Variants in GRM3 observed in about 807,000 individuals in gnomAD.
GRM3 encodes the protein metabotropic glutamate receptor 3.
Under a neutral mutation model 70.5 loss-of-function variants are expected in GRM3, and 26 were observed. The observed-to-expected ratio is 0.37, with a 90% CI of 0.27 to 0.51. The LOEUF (loss-of-function observed/expected upper bound fraction) is 0.51. GRM3 is among the 20% of genes least tolerant of loss of function. GRM3 has a pLI of 0.93. For missense variants in GRM3, 859 were observed against 1,123.8 expected, an observed-to-expected ratio of 0.76 and a Z score of 3.37; for synonymous variants, 443 against 434.9, an observed-to-expected ratio of 1.02 and a Z score of -0.23.
chr7:86,682,693 T>A (rs1468039257), intron 1 of GRM3, among the ~76,000 whole-genome samples: 2 of 152,152 alleles, frequency 1.3e-5, no homozygotes, highest in African/African-American at 2.4e-5. Context: ...TCAGCCTTAT[T>A]TTTAGTTACT....
intron 1 of GRM3, among the ~76,000 whole-genome samples, chr7:86,645,402 A>C (rs1216679190): frequency 1.3e-5 from 2 of 152,154 alleles, no homozygotes; most frequent in Non-Finnish European, 2.9e-5. Context: ...GCAGGGTTGG[A>C]AAGGAGCCTT....
intron 1 of GRM3, among the ~76,000 whole-genome samples, chr7:86,756,418 G>A (rs922337949): frequency 3.3e-5 from 5 of 152,100 alleles, no homozygotes; most frequent in African/African-American, 1.2e-4. Flanking sequence ...TACTAATTGT[G>A]AAATGTCTGT....
chr7:86,701,921 A>G (rs1794954143), intron 1 of GRM3, among the ~76,000 whole-genome samples: 1 of 151,962 alleles, frequency 6.6e-6, no homozygotes, highest in Non-Finnish European at 1.5e-5. Context: ...AGGTAAGCAT[A>G]TCAGAGTCAA....
At position 86,764,919 on chromosome 7, in the gene GRM3, T is replaced by A. The variant is rs1311605206; in HGVS notation, c.-140-87T>A. Reference sequence around the variant, plus strand: ...GTTTAGTAAATGGTTTTCTGAGTCATCCCATTAAAGGTCTGATTGGGCATG... The same window carrying A: ...GTTTAGTAAATGGTTTTCTGAGTCAACCCATTAAAGGTCTGATTGGGCATG... On this transcript the variant is annotated intron_variant, in intron 1 of 5. Coordinates refer to ENST00000361669, the MANE Select transcript of GRM3 (RefSeq NM_000840.3). 5.7e-6 allele frequency: 5 copies of A among 879,016 alleles called. No homozygotes were observed. The Admixed American group carries it at 1.8e-4, about 31-fold the overall frequency. The allele number at this position is 879,016 out of a possible 1,614,324, so 54.5% of individuals were successfully genotyped here.
At chr7:86,810,223 G>T (rs768332677) in intron 3 of GRM3, among the ~76,000 whole-genome samples, 4 of 151,894 alleles carry the variant, frequency 2.6e-5, no homozygotes, top group Admixed American at 6.6e-5. Flanking sequence ...TTTGTCAAAA[G>T]GTCAAGAAAA....
At chr7:86,733,313 CAAA>C (rs61108218) in intron 1 of GRM3, among the ~76,000 whole-genome samples, 5 of 115,536 alleles carry the variant, frequency 4.3e-5, no homozygotes, top group Non-Finnish European at 3.7e-5. Context: ...CACGCCGTCT[CAAA>C]AAAAAAAAAA....
intron 1 of GRM3, among the ~76,000 whole-genome samples, chr7:86,751,215 G>A (rs1796223244): frequency 6.6e-6 from 1 of 152,064 alleles, no homozygotes; most frequent in Admixed American, 6.6e-5. Context: ...CATCCAGTTG[G>A]AAATGGTAAT....
intron 1 of GRM3, among the ~76,000 whole-genome samples, chr7:86,694,625 AAG>A (rs1302045180): frequency 2.0e-5 from 3 of 152,140 alleles, no homozygotes; most frequent in African/African-American, 7.2e-5. Flanking sequence ...AGGGAAAAAA[AAG>A]AAAGACAAAG....
intron 2 of GRM3, among the ~76,000 whole-genome samples, chr7:86,778,382 A>T (rs1004037241): frequency 3.3e-5 from 5 of 152,186 alleles, no homozygotes; most frequent in Admixed American, 1.3e-4. Context: ...AGCACTAAAA[A>T]ATCACTTTAG....
chr7:86,863,777 C>T (rs1799004787), intron 5 of GRM3, among the ~76,000 whole-genome samples: 1 of 152,088 alleles, frequency 6.6e-6, no homozygotes. Flanking sequence ...TTTGATTTTG[C>T]ACATTGTATT....
At chr7:86,862,933 T>A (rs966097414) in intron 5 of GRM3, among the ~76,000 whole-genome samples, 3 of 152,190 alleles carry the variant, frequency 2.0e-5, no homozygotes, top group African/African-American at 7.2e-5. Flanking sequence ...AGCCAGTTTA[T>A]CTGCAGGTTA....
At chr7:86,725,038 C>T (rs775080584) in intron 1 of GRM3, among the ~76,000 whole-genome samples, 2 of 151,836 alleles carry the variant, frequency 1.3e-5, no homozygotes, top group Admixed American at 6.6e-5. Flanking sequence ...TTATCATTAG[C>T]CTGGAAACAC....
chr7:86,797,334 A>C (rs1303338708), intron 3 of GRM3, among the ~76,000 whole-genome samples: 3 of 152,224 alleles, frequency 2.0e-5, no homozygotes, highest in Non-Finnish European at 4.4e-5. Context: ...TCCAGCTTGA[A>C]TTGGTCTCAG....
At chr7:86,674,867 G>A (rs802449) in intron 1 of GRM3, among the ~76,000 whole-genome samples, 106,432 of 151,936 alleles carry the variant, frequency 0.7, 37,799 homozygotes, top group East Asian at 0.87. Flanking sequence ...CTTGCCCTCT[G>A]TGAGTGACTA....
chr7:86,747,895 T>C (rs1283980681), intron 1 of GRM3, among the ~76,000 whole-genome samples: 2 of 152,140 alleles, frequency 1.3e-5, no homozygotes, highest in Non-Finnish European at 2.9e-5. Context: ...GCTCTGTTAA[T>C]TGTGATTTCA....
chr7:86,766,823 C>T (rs976207714), intron 2 of GRM3, among the ~76,000 whole-genome samples: 2 of 152,174 alleles, frequency 1.3e-5, no homozygotes, highest in South Asian at 2.1e-4. Context: ...CTATACCACA[C>T]TCATGTTGTC....
intron 1 of GRM3, among the ~76,000 whole-genome samples, chr7:86,672,855 C>T (rs1256077104): frequency 6.6e-6 from 1 of 152,058 alleles, no homozygotes; most frequent in Non-Finnish European, 1.5e-5. Flanking sequence ...CAAAAGCATC[C>T]CCTCCCCTCT....
chr7:86,753,166 A>G (rs993897505), intron 1 of GRM3, among the ~76,000 whole-genome samples: 1 of 152,092 alleles, frequency 6.6e-6, no homozygotes, highest in Non-Finnish European at 1.5e-5. Flanking sequence ...GATGGGGATC[A>G]TTTGGAGAGT....
At chr7:86,859,843 G>T (rs1175042810) in intron 5 of GRM3, among the ~76,000 whole-genome samples, 1 of 152,148 alleles carries the variant, frequency 6.6e-6, no homozygotes, top group African/African-American at 2.4e-5. Context: ...TGCATTACTG[G>T]TGGAAGAGAA....
Sources: allele counts gnomAD v4.1 joint callset (sites outside exome capture counted in the v4.1 genomes callset), GRCh38; gene constraint gnomAD v4.1.1; transcripts MANE v1.5; gene names NCBI Gene and HGNC (gene_info 2026-07-23, HGNC 2026-07-21).